Variants in FBXL7 observed in about 807,000 individuals in gnomAD.
The protein encoded by FBXL7 is F-box and leucine rich repeat protein 7.
A neutral mutation model predicts 38.3 loss-of-function variants in FBXL7; 12 were observed. The observed-to-expected ratio is 0.31, with a 90% CI of 0.20 to 0.51. The LOEUF is 0.51. Ranked by LOEUF, FBXL7 falls within the 20% of genes least tolerant of loss-of-function variation. The probability of loss-of-function intolerance (pLI) is 0.98; values close to 1 mark genes in which losing one functional copy is unlikely to be tolerated. For missense variants in FBXL7, 567 were observed against 676.4 expected, an observed-to-expected ratio of 0.84 and a Z score of 1.79; for synonymous variants, 297 against 300.9, an observed-to-expected ratio of 0.99 and a Z score of 0.13.
chr5:15,506,828 G>T (rs972422230), intron 1 of FBXL7, among the ~76,000 whole-genome samples: 1 of 151,686 alleles, frequency 6.6e-6, no homozygotes, highest in Non-Finnish European at 1.5e-5. Flanking sequence ...ATGCTATCAC[G>T]TTGGGATTAG....
chr5:15,773,234 T>C (rs190870812), intron 2 of FBXL7, among the ~76,000 whole-genome samples: 39 of 152,298 alleles, frequency 2.6e-4, no homozygotes, highest in African/African-American at 9.4e-4. Flanking sequence ...GTGCCTGACA[T>C]ATAAATAGAA....
At chr5:15,903,582 G>A (rs1328945820) in intron 2 of FBXL7, among the ~76,000 whole-genome samples, 2 of 152,076 alleles carry the variant, frequency 1.3e-5, no homozygotes, top group Non-Finnish European at 2.9e-5. Flanking sequence ...ATCCTTTAAA[G>A]GAGGTTAGAA....
At chr5:15,838,875 AGTT>A (rs1431677708) in intron 2 of FBXL7, among the ~76,000 whole-genome samples, 2 of 152,166 alleles carry the variant, frequency 1.3e-5, no homozygotes, top group African/African-American at 2.4e-5. Flanking sequence ...ATGACTTTAA[AGTT>A]GTTATCTTTA....
intron 2 of FBXL7, among the ~76,000 whole-genome samples, chr5:15,860,505 G>A (rs1739430898): frequency 6.6e-6 from 1 of 152,174 alleles, no homozygotes. Context: ...TAGTTGCACA[G>A]ATAATATTTA....
chr5:15,921,475 C>G (rs928044869), intron 2 of FBXL7, among the ~76,000 whole-genome samples: 1 of 152,010 alleles, frequency 6.6e-6, no homozygotes, highest in Non-Finnish European at 1.5e-5. Flanking sequence ...CTCCATTCAT[C>G]CATCCACCCA....
At chr5:15,839,754 C>A (rs1372483685) in intron 2 of FBXL7, among the ~76,000 whole-genome samples, 1 of 151,952 alleles carries the variant, frequency 6.6e-6, no homozygotes. Context: ...TCCTCCTTTT[C>A]TTTTTCTCCT....
At chr5:15,615,864 T>G in intron 1 of FBXL7, 119 bp from the exon 2 acceptor site, 1 of 579,098 alleles carries the variant, frequency 1.7e-6, no homozygotes, top group African/African-American at 1.9e-5. Context: ...ACTCCATTCT[T>G]TGTATTATAG....
At chr5:15,700,930 C>T (rs1029257593) in intron 2 of FBXL7, among the ~76,000 whole-genome samples, 2 of 151,686 alleles carry the variant, frequency 1.3e-5, no homozygotes, top group Non-Finnish European at 2.9e-5. Context: ...ATTCTTAAGT[C>T]GGGTACATAA....
chr5:15,627,857 C>A (rs991491325), intron 2 of FBXL7, among the ~76,000 whole-genome samples: 7 of 152,180 alleles, frequency 4.6e-5, no homozygotes, highest in African/African-American at 7.2e-5. Flanking sequence ...TAGGAAATAA[C>A]TTCTCATGGA....
In FBXL7 at chr5:15,558,419, AT is replaced by A. The variant is rs1738317354; in HGVS notation, c.38-57562del. On this transcript the variant is annotated intron_variant, in intron 1 of 3. Coordinates refer to ENST00000504595, the MANE Select transcript of FBXL7 (RefSeq NM_012304.5). ...TCAAACCTTAGAGCACAGGGCATGGATTCTGGCCCATGCCTGTCATTTATTG... is the reference window on the plus strand; with the variant it reads ...TCAAACCTTAGAGCACAGGGCATGGATCTGGCCCATGCCTGTCATTTATTG... 3.3e-5 allele frequency among the ~76,000 whole-genome samples: 5 copies of A among 152,218 alleles called. No individual in the cohort carries two copies. In the South Asian group the frequency reaches 1.0e-3, roughly 32 times the overall value.
At chr5:15,670,395 C>T (rs975749803) in intron 2 of FBXL7, among the ~76,000 whole-genome samples, 2 of 152,194 alleles carry the variant, frequency 1.3e-5, no homozygotes, top group African/African-American at 4.8e-5. Context: ...ATTGGATCAC[C>T]TACCTGACCC....
chr5:15,817,012 C>G (rs1738033311), intron 2 of FBXL7, among the ~76,000 whole-genome samples: 1 of 152,176 alleles, frequency 6.6e-6, no homozygotes, highest in Non-Finnish European at 1.5e-5. Flanking sequence ...AGTTATGTGG[C>G]TGATGGTGAG....
At chr5:15,829,354 A>C (rs2126771978) in intron 2 of FBXL7, among the ~76,000 whole-genome samples, 1 of 152,288 alleles carries the variant, frequency 6.6e-6, no homozygotes, top group South Asian at 2.1e-4. Flanking sequence ...TAACTGCAAA[A>C]ATACTATAGA....
At chr5:15,593,365 A>G (rs1739534574) in intron 1 of FBXL7, among the ~76,000 whole-genome samples, 1 of 152,110 alleles carries the variant, frequency 6.6e-6, no homozygotes, top group Admixed American at 6.6e-5. Context: ...CTCTACTAAA[A>G]ATACAAAAAT....
chr5:15,847,834 G>T (rs1738958959), intron 2 of FBXL7, among the ~76,000 whole-genome samples: 1 of 152,158 alleles, frequency 6.6e-6, no homozygotes. Flanking sequence ...GGTTATGGGA[G>T]CCTCTTGGAG....
At chr5:15,880,519 G>A (rs1164539600) in intron 2 of FBXL7, among the ~76,000 whole-genome samples, 1 of 152,056 alleles carries the variant, frequency 6.6e-6, no homozygotes, top group Non-Finnish European at 1.5e-5. Context: ...TTGAGAGGAA[G>A]CATTTAGAAA....
At chr5:15,503,638 A>T (rs962848823) in intron 1 of FBXL7, among the ~76,000 whole-genome samples, 9 of 152,160 alleles carry the variant, frequency 5.9e-5, no homozygotes, top group Non-Finnish European at 8.8e-5. Flanking sequence ...CACCATGTGG[A>T]TGTCCTGAAG....
intron 1 of FBXL7, among the ~76,000 whole-genome samples, chr5:15,600,661 A>G (rs770592162): frequency 3.9e-5 from 6 of 152,192 alleles, no homozygotes; most frequent in Non-Finnish European, 7.3e-5. Flanking sequence ...TTTGCATTAA[A>G]TAAGATTAAG....
chr5:15,559,903 ATC>A (rs1738361377), intron 1 of FBXL7, among the ~76,000 whole-genome samples: 1 of 152,192 alleles, frequency 6.6e-6, no homozygotes, highest in East Asian at 1.9e-4. Flanking sequence ...GGAATGAACT[ATC>A]TCTACTTGTG....
Sources: gnomAD v4.1 joint callset for allele counts (sites outside exome capture counted in the v4.1 genomes callset) on GRCh38, gnomAD v4.1.1 for gene constraint, MANE v1.5 for transcripts, NCBI Gene and HGNC (gene_info 2026-07-23, HGNC 2026-07-21) for gene names.